AKAP8: variants seen among roughly 807,000 people sequenced by gnomAD.
AKAP8 encodes A-kinase anchor protein 8.
Under a neutral mutation model 67.5 loss-of-function variants are expected in AKAP8, and 24 were observed. The observed-to-expected ratio is 0.36, with a 90% CI of 0.26 to 0.50. AKAP8 has a LOEUF of 0.50. AKAP8 is among the 20% of genes least tolerant of loss of function. AKAP8 has a pLI of 0.97. For missense variants in AKAP8, 971 were observed against 955.9 expected (o/e 1.02, Z -0.21); for synonymous variants, 400 against 371.1 (o/e 1.08, Z -0.90).
chr19:15,355,096 G>C lies in AKAP8; in HGVS notation c.1898C>G (p.Thr633Arg), dbSNP rs148784064. Residue 633 changes from threonine (T) to arginine (R), a missense_variant, in exon 14 of 14, where the codon ACG becomes AGG. Thr to Arg is a moderately conservative substitution (Grantham distance 71). Around this residue, in one of 3 missense-constraint regions of AKAP8, gnomAD observed 204 missense variants for 193.0 expected, o/e 1.06. Coordinates refer to ENST00000269701, the MANE Select transcript of AKAP8 (RefSeq NM_005858.4). ...QLLEEQVPCG[T>R]AHEKGVPKAR... ...CTTGGGGACGCCCTTCTCATGTGCC[G>C]TTCCACAGGGCACCTGCTCTTCCAG... 1 of 1,613,846 alleles carries C rather than the reference G, an allele frequency of 6.2e-7. No individual in the cohort carries two copies. The highest frequency in any genetic ancestry group is 8.5e-7 in the Non-Finnish European group (1 of 1,180,032).
In AKAP8 at chr19:15,372,853, G is replaced by T. The variant is rs763864182; in HGVS notation, c.859C>A (p.Arg287=). The part of the protein sequence containing the change: ...RSQPRMRDRD[R]PKRRGFDRFG... ...GAAGGAACCTTGCGAGGGCTTACCCGATCCCGATCCCGCATCCGAGGCTGC... is the reference window on the plus strand; with the variant it reads ...GAAGGAACCTTGCGAGGGCTTACCCTATCCCGATCCCGCATCCGAGGCTGC... The change falls in exon 5 of 14, where the codon CGG becomes AGG. Residue 287 remains arginine (R), a splice_region_variant and synonymous_variant. Coordinates refer to ENST00000269701, the MANE Select transcript of AKAP8 (RefSeq NM_005858.4). The T allele has an allele frequency of 6.7e-7, 1 of 1,499,948 alleles. No homozygotes were observed. Among genetic ancestry groups the T allele is most frequent in the Non-Finnish European group, 8.9e-7 (1 of 1,125,294 alleles). The allele number at this position is 1,499,948 out of a possible 1,614,324, so 92.9% of individuals were successfully genotyped here. A position where few individuals can be genotyped will look rare whatever the true frequency, so the allele number is the denominator to read the frequency against.
intron 1 of AKAP8, among the ~76,000 whole-genome samples, chr19:15,378,857 A>C (rs1486472905): frequency 6.6e-6 from 1 of 152,206 alleles, no homozygotes; most frequent in Non-Finnish European, 1.5e-5. Flanking sequence ...GCCCTACTGC[A>C]GGCCAAGCGC....
At chr19:15,377,457 G>C (rs1967272693) in intron 1 of AKAP8, among the ~76,000 whole-genome samples, 2 of 152,176 alleles carry the variant, frequency 1.3e-5, no homozygotes, top group Non-Finnish European at 2.9e-5. Context: ...ATCTTTCTAA[G>C]CTGCACTTCC....
chr19:15,359,905 G>A (rs1369209031), intron 12 of AKAP8, among the ~76,000 whole-genome samples: 5 of 151,484 alleles, frequency 3.3e-5, no homozygotes, highest in Middle Eastern at 3.5e-3. Context: ...AGGCTGAGGC[G>A]GGTGGATCAC....
chr19:15,377,562 G>C lies in AKAP8; in HGVS notation c.20-548C>G, dbSNP rs557440757. Among the ~76,000 whole-genome samples, 260 of 152,272 alleles carry C rather than the reference G, an allele frequency of 1.7e-3. 1 individual carries two copies. The highest frequency in any genetic ancestry group is 0.01 in the Middle Eastern group (3 of 294). On this transcript the variant is annotated intron_variant, in intron 1 of 13. Coordinates refer to ENST00000269701, the MANE Select transcript of AKAP8 (RefSeq NM_005858.4). ...CGGCTCACTGCAAGCTCCGCCTCCTGGGTTCACGCCATTCTCCTGCCTCAG... is the reference window on the plus strand; with the variant it reads ...CGGCTCACTGCAAGCTCCGCCTCCTCGGTTCACGCCATTCTCCTGCCTCAG...
intron 6 of AKAP8, 23 bp from the exon 7 acceptor site, chr19:15,372,021 A>C: frequency 6.2e-7 from 1 of 1,613,950 alleles, no homozygotes; most frequent in Non-Finnish European, 8.5e-7. Context: ...AAGAAAGGAA[A>C]AGTCAGTCCC....
At chr19:15,372,558 G>A (rs958359131) in intron 5 of AKAP8, among the ~76,000 whole-genome samples, 1 of 152,082 alleles carries the variant, frequency 6.6e-6, no homozygotes, top group African/African-American at 2.4e-5. Flanking sequence ...GACTCCATTT[G>A]TGCAAAATGT....
In AKAP8 at chr19:15,368,302, C is replaced by T. The variant is rs867833489; in HGVS notation, c.1093G>A (p.Glu365Lys). 1.4e-5 allele frequency: 22 copies of T among 1,613,560 alleles called. No homozygotes were observed. Among genetic ancestry groups the T allele is most frequent in the East Asian group, 2.2e-5 (1 of 44,882 alleles). The change falls in exon 9 of 14, where the codon GAG (glutamate) becomes AAG (lysine). Residue 365 changes from glutamate (E) to lysine (K), a missense_variant. By Grantham distance (56) the Glu-to-Lys change is moderately conservative (BLOSUM62 1). This residue lies in a region of AKAP8 where 763 missense variants were observed against 745.4 expected (regional missense o/e 1.02). Transcript: ENST00000269701. ...TTTTCCCTTCTCTTCTTCACATCCT[C>T]GTCCTCGTCCTCCTTCTCTCCTGTA... Reference protein sequence around the residue: ...RQRGEKEDEDEDVKKRREKQR... With the variant: ...RQRGEKEDEDKDVKKRREKQR...
chr19:15,359,250 G>A (rs954281818), intron 12 of AKAP8, among the ~76,000 whole-genome samples, 188 bp from the exon 13 acceptor site: 7 of 152,184 alleles, frequency 4.6e-5, no homozygotes, highest in Non-Finnish European at 1.0e-4. Flanking sequence ...GAAAAGCTAG[G>A]CAATCTTAAG....
At chr19:15,362,062 C>T in intron 10 of AKAP8, 48 bp downstream of exon 10, 1 of 1,606,484 alleles carries the variant, frequency 6.2e-7, no homozygotes, top group Non-Finnish European at 8.5e-7. Flanking sequence ...GATCCGGCAC[C>T]TGCGGGATGG....
In AKAP8 at chr19:15,369,606, C is replaced by T. The variant is rs374862648; in HGVS notation, c.1072+540G>A. ...ATGAAGAGACCTGCTGAAGGGCGCC[C>T]GCCTCTCAAAGACCCAGTGGGCCTG... is the stretch of plus-strand genomic sequence containing the variant. On this transcript the variant is annotated intron_variant, in intron 8 of 13. Transcript: ENST00000269701. The surrounding 1 kb of genome is among the most constrained non-coding windows in gnomAD (Gnocchi z 4.6). Among the ~76,000 whole-genome samples the T allele has an allele frequency of 6.6e-5, 10 of 152,184 alleles. No individual in the cohort carries two copies. The highest frequency in any genetic ancestry group is 6.2e-4 in the South Asian group (3 of 4,832).
chr19:15,357,708 CTTTTTTTTTTTT>C (rs869102920), intron 13 of AKAP8, among the ~76,000 whole-genome samples: 4 of 120,998 alleles, frequency 3.3e-5, no homozygotes, highest in Admixed American at 8.8e-5. Flanking sequence ...TTTCCTCCCT[CTTTTTTTTTTTT>C]TTTTTTTTTT....
At position 15,368,343 on chromosome 19, in the gene AKAP8, C is replaced by T. The variant is rs75137826; in HGVS notation, c.1073-21G>A. The T allele has an allele frequency of 1.7e-4, 278 of 1,613,224 alleles. 1 individual carries two copies. The East Asian group carries it at 3.4e-3, about 20-fold the overall frequency. On this transcript the variant is annotated intron_variant, in intron 8 of 13. Coordinates refer to ENST00000269701, the MANE Select transcript of AKAP8 (RefSeq NM_005858.4). Reference sequence around the variant, plus strand: ...CTCTCCTGTAACAGACAAGTCCCTTCGAGACGCTCTGAGTGGCCTGCAAAG... The same window carrying T: ...CTCTCCTGTAACAGACAAGTCCCTTTGAGACGCTCTGAGTGGCCTGCAAAG...
intron 10 of AKAP8, 55 bp downstream of exon 10, chr19:15,362,055 C>T: frequency 6.2e-7 from 1 of 1,601,830 alleles, no homozygotes; most frequent in Non-Finnish European, 8.5e-7. Flanking sequence ...TTCAAGGGAT[C>T]CGGCACCTGC....
At chr19:15,370,920 G>A (rs1370710949) in intron 7 of AKAP8, among the ~76,000 whole-genome samples, 2 of 152,074 alleles carry the variant, frequency 1.3e-5, no homozygotes, top group Non-Finnish European at 2.9e-5. Flanking sequence ...GTGAGCCACC[G>A]CGCCAGGCCT....
chr19:15,373,445 C>G, intron 4 of AKAP8, 105 bp from the exon 5 acceptor site: 2 of 1,445,800 alleles, frequency 1.4e-6, no homozygotes, highest in Non-Finnish European at 9.1e-7. Flanking sequence ...GCAAACCAAA[C>G]CACCCTGCAT....
At chr19:15,358,654 G>C (rs1966916303) in intron 13 of AKAP8, among the ~76,000 whole-genome samples, 1 of 151,784 alleles carries the variant, frequency 6.6e-6, no homozygotes, top group South Asian at 2.1e-4. Context: ...GGCTAGCCTT[G>C]GGTTTTTCTT....
intron 7 of AKAP8, among the ~76,000 whole-genome samples, chr19:15,371,159 T>C (rs780389468): frequency 3.3e-5 from 5 of 152,150 alleles, no homozygotes; most frequent in African/African-American, 4.8e-5. Context: ...TCTAAGGACT[T>C]GGGGAAGGCC....
At chr19:15,370,876 C>T (rs1206661029) in intron 7 of AKAP8, among the ~76,000 whole-genome samples, 4 of 152,052 alleles carry the variant, frequency 2.6e-5, no homozygotes, top group Admixed American at 2.6e-4. Flanking sequence ...GTGATCCACC[C>T]GCCTTGGCCT....
Sources: allele counts gnomAD v4.1 joint callset (sites outside exome capture counted in the v4.1 genomes callset), GRCh38; gene constraint gnomAD v4.1.1; regional missense constraint gnomAD v4.1.1; non-coding constraint Gnocchi (gnomAD v3.1); transcripts MANE v1.5; gene names NCBI Gene and HGNC (gene_info 2026-07-23, HGNC 2026-07-21).